RAP1GAP2: variants seen among roughly 807,000 people sequenced by gnomAD.
The protein encoded by RAP1GAP2 is RAP1 GTPase activating protein 2.
Under a neutral mutation model 95.0 loss-of-function variants are expected in RAP1GAP2, and 27 were observed. The ratio of observed to expected loss-of-function variants is 0.28; its 90% CI spans 0.21 to 0.39. The LOEUF (loss-of-function observed/expected upper bound fraction) is 0.39, where lower values mean the gene tolerates loss of function less well. Ranked by LOEUF, RAP1GAP2 falls within the 10% of genes least tolerant of loss-of-function variation. The probability of loss-of-function intolerance (pLI) is 1.00; values close to 1 mark genes in which losing one functional copy is unlikely to be tolerated. For missense variants in RAP1GAP2, 771 were observed against 970.0 expected (o/e 0.79, Z 2.72); for synonymous variants, 373 against 380.9 (o/e 0.98, Z 0.24).
intron 17 of RAP1GAP2, among the ~76,000 whole-genome samples, chr17:3,012,212 C>G (rs1183318817): frequency 3.3e-5 from 5 of 152,170 alleles, no homozygotes; most frequent in Non-Finnish European, 7.3e-5. Context: ...TCTAGACCTA[C>G]TTTTCAAGCT....
At chr17:2,951,478 G>A (rs1370263857) in intron 3 of RAP1GAP2, among the ~76,000 whole-genome samples, 2 of 152,220 alleles carry the variant, frequency 1.3e-5, no homozygotes, top group Non-Finnish European at 2.9e-5. Context: ...CAGCACTTTG[G>A]GAGGCTGAGG....
intron 3 of RAP1GAP2, among the ~76,000 whole-genome samples, chr17:2,905,931 G>C (rs114187937): frequency 2.0e-5 from 3 of 152,208 alleles, no homozygotes; most frequent in Non-Finnish European, 4.4e-5. Flanking sequence ...TCCTGGACGG[G>C]AGCCGAGGGA....
intron 1 of RAP1GAP2, among the ~76,000 whole-genome samples, chr17:2,759,911 G>T (rs1012084024): frequency 1.3e-5 from 2 of 152,116 alleles, no homozygotes; most frequent in Admixed American, 1.3e-4. Flanking sequence ...AAGTGAAATT[G>T]CAGGGTAAAA....
chr17:2,891,909 T>C (rs1030338480), intron 2 of RAP1GAP2, among the ~76,000 whole-genome samples: 1 of 139,844 alleles, frequency 7.2e-6, no homozygotes, highest in Non-Finnish European at 1.5e-5. Flanking sequence ...CTGCAACCTC[T>C]GCCTCCTCGG....
In RAP1GAP2 at chr17:3,025,993, T is replaced by A; in HGVS notation, c.1752-15T>A. 1 of 1,593,152 alleles carries A rather than the reference T, an allele frequency of 6.3e-7. No individual in the cohort carries two copies. Among genetic ancestry groups the A allele is most frequent in the Non-Finnish European group, 8.6e-7 (1 of 1,161,350 alleles). On this transcript the variant is annotated splice_polypyrimidine_tract_variant and intron_variant, in intron 19 of 24. Transcript: ENST00000254695. ...GCTGTCTCCGCGGCCTCACTCCTCATTTCCATTCCCTCAGTGACAGCACAT... is the reference window on the plus strand; with the variant it reads ...GCTGTCTCCGCGGCCTCACTCCTCAATTCCATTCCCTCAGTGACAGCACAT...
At chr17:2,931,279 C>CG (rs1567791770) in intron 3 of RAP1GAP2, among the ~76,000 whole-genome samples, 2,546 of 84,336 alleles carry the variant, frequency 0.03, 89 homozygotes, top group African/African-American at 0.11. Flanking sequence ...GTGAGTGTTT[C>CG]TTGTGTGTGT....
At chr17:2,829,958 T>C (rs1339272257) in intron 2 of RAP1GAP2, among the ~76,000 whole-genome samples, 1 of 152,094 alleles carries the variant, frequency 6.6e-6, no homozygotes, top group Admixed American at 6.6e-5. Context: ...GGCAGTCTCT[T>C]TATTTTACTT....
At chr17:2,910,973 A>T (rs988749630) in intron 3 of RAP1GAP2, among the ~76,000 whole-genome samples, 2 of 152,202 alleles carry the variant, frequency 1.3e-5, no homozygotes, top group African/African-American at 2.4e-5. Flanking sequence ...TGTTCAGATG[A>T]CAGGCGTGAG....
chr17:2,792,801 C>T (rs563311851), upstream of RAP1GAP2, among the ~76,000 whole-genome samples: 344 of 152,354 alleles, frequency 2.3e-3, no homozygotes, highest in African/African-American at 7.7e-3. Flanking sequence ...GGCCTCGAAA[C>T]GCACCCCTTC....
intron 2 of RAP1GAP2, among the ~76,000 whole-genome samples, chr17:2,815,500 G>A (rs2069971633): frequency 9.4e-6 from 1 of 106,192 alleles, no homozygotes; most frequent in Non-Finnish European, 2.1e-5. Context: ...TATTATTATT[G>A]AGACAGAGTC....
intron 3 of RAP1GAP2, among the ~76,000 whole-genome samples, chr17:2,932,887 T>C (rs908340038): frequency 2.0e-5 from 3 of 147,150 alleles, no homozygotes; most frequent in Non-Finnish European, 4.5e-5. Flanking sequence ...GTCTGGTCTG[T>C]GATGTGTTCC....
At chr17:2,945,987 C>T (rs111970756) in intron 3 of RAP1GAP2, among the ~76,000 whole-genome samples, 1 of 152,040 alleles carries the variant, frequency 6.6e-6, no homozygotes, top group African/African-American at 2.4e-5. Context: ...GACGGGCTTT[C>T]ACCATGTCGG....
chr17:2,966,903 G>A (rs2044626481), intron 8 of RAP1GAP2, among the ~76,000 whole-genome samples: 1 of 152,150 alleles, frequency 6.6e-6, no homozygotes, highest in Non-Finnish European at 1.5e-5. Flanking sequence ...TTCTAATACT[G>A]TATCCTCCAT....
chr17:2,950,061 C>CTTCTTCTTTTT (rs1555575129), intron 3 of RAP1GAP2, among the ~76,000 whole-genome samples: 12 of 141,292 alleles, frequency 8.5e-5, no homozygotes, highest in African/African-American at 3.0e-4. Flanking sequence ...TCTTCTTCTT[C>CTTCTTCTTTTT]TTTTTTTTTT....
chr17:3,015,913 T>G (rs1261764802), intron 17 of RAP1GAP2, among the ~76,000 whole-genome samples: 3 of 152,120 alleles, frequency 2.0e-5, no homozygotes, highest in African/African-American at 7.2e-5. Flanking sequence ...CCAACACAGT[T>G]GTACAGGTGT....
At chr17:2,924,783 A>G (rs929271352) in intron 3 of RAP1GAP2, among the ~76,000 whole-genome samples, 1 of 152,052 alleles carries the variant, frequency 6.6e-6, no homozygotes, top group African/African-American at 2.4e-5. Context: ...CCCCAATCCT[A>G]TTTCGTCTTG....
intron 1 of RAP1GAP2, among the ~76,000 whole-genome samples, chr17:2,788,591 T>C (rs553627379): frequency 6.6e-6 from 1 of 152,264 alleles, no homozygotes; most frequent in South Asian, 2.1e-4. Context: ...CAGCCAGGCA[T>C]GAGCCACTGC....
intron 5 of RAP1GAP2, chr17:2,962,969 C>T (rs927630575): frequency 3.0e-4 from 155 of 522,068 alleles, no homozygotes; most frequent in African/African-American, 2.5e-3. Flanking sequence ...CAGGCTTGGC[C>T]GTTTGGCCCG....
chr17:2,918,110 A>G (rs774568658), intron 3 of RAP1GAP2, among the ~76,000 whole-genome samples: 3 of 152,112 alleles, frequency 2.0e-5, no homozygotes, highest in African/African-American at 4.8e-5. Flanking sequence ...CCATTGCTCT[A>G]AAGTAATACC....
Sources: gnomAD v4.1 joint callset for allele counts (sites outside exome capture counted in the v4.1 genomes callset) on GRCh38, gnomAD v4.1.1 for gene constraint, MANE v1.5 for transcripts, NCBI Gene and HGNC (gene_info 2026-07-23, HGNC 2026-07-21) for gene names.